ROBO2: variants seen among roughly 807,000 people sequenced by gnomAD.
The protein encoded by ROBO2 is roundabout guidance receptor 2.
Under a neutral mutation model 160.8 loss-of-function variants are expected in ROBO2, and 53 were observed. That is an observed-to-expected ratio of 0.33 (90% confidence interval 0.26 to 0.41). The LOEUF is 0.41. Ranked by LOEUF, ROBO2 falls within the 10% of genes least tolerant of loss-of-function variation. The probability of loss-of-function intolerance (pLI) is 1.00; values close to 1 mark genes in which losing one functional copy is unlikely to be tolerated. For missense variants in ROBO2, 1,577 were observed against 1,722.4 expected (o/e 0.92, Z 1.49); for synonymous variants, 664 against 611.7 (o/e 1.09, Z -1.26).
rs140505997 is a variant in ROBO2, at chr3:77,355,855, G to A, written c.389-121559G>A. ...TGTCAGCCAGGGAGAAACATTAATA[G>A]CATATATAACCAAGTATTGATGTAC... is the stretch of plus-strand genomic sequence containing the variant. On this transcript the variant is annotated intron_variant, in intron 2 of 25. Coordinates refer to ENST00000461745, the Ensembl canonical transcript of ROBO2. Among the ~76,000 whole-genome samples, 545 of 151,396 alleles carry A rather than the reference G, an allele frequency of 3.6e-3. 1 individual carries two copies. The highest frequency in any genetic ancestry group is 0.012 in the African/African-American group (502 of 41,250).
At chr3:76,176,074 A>G (rs1194260851) in intron 2 of ROBO2, among the ~76,000 whole-genome samples, 1 of 152,094 alleles carries the variant, frequency 6.6e-6, no homozygotes, top group Non-Finnish European at 1.5e-5. Flanking sequence ...AATAAAATCC[A>G]TGTGTCCTTT....
intron 1 of ROBO2, among the ~76,000 whole-genome samples, chr3:77,079,002 G>T (rs1400452488): frequency 6.6e-6 from 1 of 152,158 alleles, no homozygotes; most frequent in East Asian, 1.9e-4. Context: ...GGAGTGCAGT[G>T]GTGCGATCTC....
chr3:76,468,860 A>T (rs576905193), intron 2 of ROBO2, among the ~76,000 whole-genome samples: 1 of 151,874 alleles, frequency 6.6e-6, no homozygotes, highest in Non-Finnish European at 1.5e-5. Context: ...AGACAAACTT[A>T]TATCTACAGC....
intron 2 of ROBO2, among the ~76,000 whole-genome samples, chr3:77,232,229 G>A (rs990175380): frequency 1.3e-5 from 2 of 152,208 alleles, no homozygotes; most frequent in South Asian, 2.1e-4. Context: ...TTAAGTTGGT[G>A]GTTAAATTCT....
At chr3:76,127,686 G>A (rs1185195128) in intron 2 of ROBO2, among the ~76,000 whole-genome samples, 2 of 151,608 alleles carry the variant, frequency 1.3e-5, no homozygotes, top group Non-Finnish European at 2.9e-5. Flanking sequence ...ATTTATCAAC[G>A]AGTGAACTCT....
At chr3:76,623,299 G>A (rs6548437) in intron 2 of ROBO2, among the ~76,000 whole-genome samples, 113,947 of 152,056 alleles carry the variant, frequency 0.75, 43,296 homozygotes, top group South Asian at 0.9. Context: ...CAATGTGCTC[G>A]GGTTTATTTT....
intron 2 of ROBO2, among the ~76,000 whole-genome samples, chr3:77,255,390 A>T (rs1233058031): frequency 1.3e-5 from 2 of 152,218 alleles, no homozygotes; most frequent in Non-Finnish European, 2.9e-5. Context: ...GTAAAGCCCC[A>T]TTCTTTGGAG....
chr3:77,096,658 C>A (rs192891617), intron 1 of ROBO2, among the ~76,000 whole-genome samples: 3 of 151,996 alleles, frequency 2.0e-5, no homozygotes. Context: ...CCATGTTGGG[C>A]AGGCTGGTCT....
chr3:77,389,401 C>A (rs996563600), intron 2 of ROBO2, among the ~76,000 whole-genome samples: 1 of 151,840 alleles, frequency 6.6e-6, no homozygotes, highest in Non-Finnish European at 1.5e-5. Context: ...GTTCAGTAGC[C>A]CCATGCGGGC....
intron 1 of ROBO2, among the ~76,000 whole-genome samples, chr3:75,910,668 A>G (rs1050024369): frequency 1.3e-4 from 20 of 152,200 alleles, no homozygotes; most frequent in African/African-American, 4.6e-4. Flanking sequence ...CACCATTTTC[A>G]TTGAAGTTGT....
At chr3:75,970,562 C>G (rs537024764) in intron 2 of ROBO2, among the ~76,000 whole-genome samples, 4 of 151,534 alleles carry the variant, frequency 2.6e-5, no homozygotes, top group African/African-American at 9.6e-5. Context: ...GATAATTTTC[C>G]AAAGGACATT....
chr3:77,343,835 G>T (rs2067329993), intron 2 of ROBO2, among the ~76,000 whole-genome samples: 1 of 152,146 alleles, frequency 6.6e-6, no homozygotes, highest in African/African-American at 2.4e-5. Flanking sequence ...ACACATGGGT[G>T]AATGAGAGAG....
At chr3:76,402,731 C>A (rs2077907976) in intron 2 of ROBO2, among the ~76,000 whole-genome samples, 2 of 151,450 alleles carry the variant, frequency 1.3e-5, no homozygotes, top group South Asian at 4.1e-4. Flanking sequence ...TCTCTTGGTA[C>A]CTCTTTTTCA....
chr3:77,621,183 TG>T (rs2094892037), intron 22 of ROBO2, among the ~76,000 whole-genome samples: 2 of 152,178 alleles, frequency 1.3e-5, no homozygotes, highest in African/African-American at 2.4e-5. Context: ...CCCAGCACTT[TG>T]GGTTGCTGAG....
chr3:77,242,204 A>T lies in ROBO2; in HGVS notation c.388+143864A>T, dbSNP rs1394801075. 3.3e-5 allele frequency among the ~76,000 whole-genome samples: 5 copies of T among 152,278 alleles called. No individual in the cohort carries two copies. The East Asian group carries it at 7.7e-4, about 24-fold the overall frequency. On this transcript the variant is annotated intron_variant, in intron 2 of 25. Coordinates refer to ENST00000461745, the Ensembl canonical transcript of ROBO2. Reference sequence around the variant, plus strand: ...CATTTATATTTGTGTCAGGAAAAAAATAATAATAGAATTTAAGAATTTAAA... The same window carrying T: ...CATTTATATTTGTGTCAGGAAAAAATTAATAATAGAATTTAAGAATTTAAA...
At chr3:77,470,656 G>A (rs953405639) in intron 2 of ROBO2, among the ~76,000 whole-genome samples, 3 of 152,072 alleles carry the variant, frequency 2.0e-5, no homozygotes, top group African/African-American at 4.8e-5. Context: ...ATTTTTAAAA[G>A]CAAGTCTAAA....
intron 2 of ROBO2, among the ~76,000 whole-genome samples, chr3:76,450,333 T>C (rs1201239879): frequency 2.0e-5 from 3 of 152,218 alleles, no homozygotes; most frequent in African/African-American, 4.8e-5. Context: ...TTATAGGTAA[T>C]TGAGACTTTA....
chr3:76,889,026 C>T (rs965808166), intron 2 of ROBO2, among the ~76,000 whole-genome samples: 4 of 152,306 alleles, frequency 2.6e-5, no homozygotes, highest in African/African-American at 7.2e-5. Flanking sequence ...ATTCTTCACA[C>T]GATGTACACA....
At chr3:76,812,649 A>C (rs1325192530) in intron 2 of ROBO2, among the ~76,000 whole-genome samples, 1 of 152,066 alleles carries the variant, frequency 6.6e-6, no homozygotes. Context: ...TCAGTTGCAC[A>C]CAGAAGCAAA....
Sources: gnomAD v4.1 joint callset for allele counts (sites outside exome capture counted in the v4.1 genomes callset) on GRCh38, gnomAD v4.1.1 for gene constraint, MANE v1.5 for transcripts, NCBI Gene and HGNC (gene_info 2026-07-23, HGNC 2026-07-21) for gene names.